HORMAD2: variants seen among roughly 807,000 people sequenced by gnomAD.
HORMAD2 encodes the protein HORMA domain containing 2, also known as HORMA domain-containing protein 2.
A neutral mutation model predicts 38.8 loss-of-function variants in HORMAD2; 45 were observed. The observed-to-expected ratio is 1.16, with a 90% CI of 0.91 to 1.49. The LOEUF is 1.49. Ranked by LOEUF, HORMAD2 falls within the 40% of genes most tolerant of loss-of-function variation. HORMAD2 has a pLI of 0.00. For synonymous variants in HORMAD2, 126 were observed against 122.8 expected (o/e 1.03, Z -0.17); for missense variants, 338 against 367.0 (o/e 0.92, Z 0.65).
intron 7 of HORMAD2, among the ~76,000 whole-genome samples, chr22:30,117,362 T>C (rs1639006637): frequency 6.6e-6 from 1 of 152,198 alleles, no homozygotes; most frequent in African/African-American, 2.4e-5. Context: ...CTTCTCCAGC[T>C]CTGTGGACAT....
At chr22:30,146,064 G>A (rs1332103674) in intron 10 of HORMAD2, among the ~76,000 whole-genome samples, 2 of 152,194 alleles carry the variant, frequency 1.3e-5, no homozygotes, top group African/African-American at 4.8e-5. Flanking sequence ...GGAATGCATG[G>A]TTGGTTTAAA....
the HORMAD2 span, among the ~76,000 whole-genome samples, chr22:30,192,944 A>G: frequency 1.3e-5 from 2 of 152,226 alleles, no homozygotes; most frequent in Non-Finnish European, 2.9e-5. Flanking sequence ...TGCCAATGAC[A>G]TAAGGAAACA....
Position 30,098,926 on chromosome 22 carries a change from C to T in HORMAD2, c.126C>T (p.Ser42=), listed in dbSNP as rs781266678. The T allele has an allele frequency of 3.1e-6, 5 of 1,613,104 alleles. No homozygotes were observed. The African/African-American group carries it at 5.3e-5, about 17-fold the overall frequency. Reference sequence around the variant, plus strand: ...TGGTGAAGAAACTTTTTGCTACTTCCATCTCATGTATAACATACCTAAGGG... The same window carrying T: ...TGGTGAAGAAACTTTTTGCTACTTCTATCTCATGTATAACATACCTAAGGG... The part of the protein sequence containing the change: ...LKMVKKLFAT[S]ISCITYLRGL... Residue 42 remains serine, a synonymous_variant, in exon 3 of 11, where the codon TCC becomes TCT. Transcript: ENST00000336726.
chr22:30,203,745 G>A, the HORMAD2 span, among the ~76,000 whole-genome samples: 1 of 152,084 alleles, frequency 6.6e-6, no homozygotes, highest in African/African-American at 2.4e-5. Flanking sequence ...ACATTCTCAC[G>A]CAAAACACAC....
intron 10 of HORMAD2, among the ~76,000 whole-genome samples, chr22:30,139,527 A>G (rs898960034): frequency 6.6e-6 from 1 of 151,844 alleles, no homozygotes; most frequent in African/African-American, 2.4e-5. Context: ...TATATACAAA[A>G]GCATGCCATC....
chr22:30,177,739 A>G (rs960339549), downstream of HORMAD2, among the ~76,000 whole-genome samples: 1 of 135,370 alleles, frequency 7.4e-6, no homozygotes, highest in Non-Finnish European at 1.6e-5. Context: ...TTTTTTTTCA[A>G]CATAATCTCA....
At chr22:30,164,134 T>G (rs1033605546) in intron 10 of HORMAD2, among the ~76,000 whole-genome samples, 1 of 152,234 alleles carries the variant, frequency 6.6e-6, no homozygotes, top group African/African-American at 2.4e-5. Context: ...AGAATATCTT[T>G]CCTTTTAAAG....
chr22:30,080,671 G>A (rs1359591517), intron 1 of HORMAD2, among the ~76,000 whole-genome samples, 180 bp downstream of exon 1: 3 of 152,198 alleles, frequency 2.0e-5, no homozygotes, highest in African/African-American at 7.2e-5. Context: ...CGGGAGGGCA[G>A]GGGGCTGAGG....
the HORMAD2 span, among the ~76,000 whole-genome samples, chr22:30,182,280 C>G: frequency 0.017 from 2,517 of 152,248 alleles, 65 homozygotes; most frequent in African/African-American, 0.058. Flanking sequence ...ACAGGAAAAG[C>G]ACTTAGAAGA....
At chr22:30,118,910 T>C (rs1052919258) in intron 7 of HORMAD2, 70 bp from the exon 8 acceptor site, 1 of 1,027,864 alleles carries the variant, frequency 9.7e-7, no homozygotes, top group African/African-American at 1.6e-5. Flanking sequence ...GTTCCTTACT[T>C]ATGATCAGGT....
the HORMAD2 span, among the ~76,000 whole-genome samples, chr22:30,195,390 C>T: frequency 2.6e-5 from 4 of 152,228 alleles, no homozygotes; most frequent in East Asian, 1.9e-4. Context: ...ATATCTGAAC[C>T]GCTATGTCAG....
At chr22:30,094,251 A>G (rs1247739496) in intron 2 of HORMAD2, among the ~76,000 whole-genome samples, 1 of 152,212 alleles carries the variant, frequency 6.6e-6, no homozygotes, top group African/African-American at 2.4e-5. Context: ...TAGGTCTTCT[A>G]GAGTAAAAGA....
At chr22:30,188,399 GAA>G in the HORMAD2 span, among the ~76,000 whole-genome samples, 2 of 148,974 alleles carry the variant, frequency 1.3e-5, no homozygotes, top group Non-Finnish European at 3.0e-5. Flanking sequence ...CATCTCTGGA[GAA>G]AAAAAAAAAT....
intron 10 of HORMAD2, among the ~76,000 whole-genome samples, chr22:30,173,393 A>G (rs1926240247): frequency 6.6e-6 from 1 of 152,210 alleles, no homozygotes; most frequent in African/African-American, 2.4e-5. Flanking sequence ...TAAAGAAGTA[A>G]TGGGAATAGA....
chr22:30,176,065 T>G lies in HORMAD2; in HGVS notation c.822T>G (p.Ile274Met). 1.2e-6 allele frequency: 2 copies of G among 1,608,176 alleles called. No individual in the cohort carries two copies. Among genetic ancestry groups the G allele is most frequent in the Non-Finnish European group, 8.5e-7 (1 of 1,174,858 alleles). ...CDEEEECNDH[I>M]QRMNFVCSQQ... The stretch of plus-strand genomic sequence containing the variant: ...CCTCTCTCTGGTGATTCTCACAGAT[T>G]CAAAGAATGAATTTTGTGTGCAGTC... The change falls in exon 11 of 11, where the codon ATT becomes ATG. Residue 274 changes from isoleucine (I) to methionine (M), a missense_variant and splice_region_variant. Physicochemically the swap from Ile to Met is conservative, Grantham distance 10. Transcript: ENST00000336726.
the HORMAD2 span, among the ~76,000 whole-genome samples, chr22:30,205,684 C>A: frequency 6.6e-6 from 1 of 152,124 alleles, no homozygotes; most frequent in African/African-American, 2.4e-5. Flanking sequence ...TTGAGAAACG[C>A]TTTGGCATCA....
chr22:30,180,845 CTCTTCCCT>C (rs1169404538), downstream of HORMAD2, among the ~76,000 whole-genome samples: 1 of 141,990 alleles, frequency 7.0e-6, no homozygotes, highest in African/African-American at 2.7e-5. Flanking sequence ...TTCTTCCCTT[CTCTTCCCT>C]TCTTCCCTTC....
At chr22:30,078,213 T>C (rs905684310), upstream of HORMAD2, among the ~76,000 whole-genome samples, 1 of 152,234 alleles carries the variant, frequency 6.6e-6, no homozygotes, top group Non-Finnish European at 1.5e-5. Flanking sequence ...GTGCCAGCAC[T>C]GGGCATCCTG....
the HORMAD2 span, among the ~76,000 whole-genome samples, chr22:30,198,013 T>G: frequency 1.3e-5 from 1 of 75,898 alleles, no homozygotes; most frequent in Non-Finnish European, 2.5e-5. Context: ...CTGTCTCTAC[T>G]AAAAATATAT....
Sources: allele counts gnomAD v4.1 joint callset (sites outside exome capture counted in the v4.1 genomes callset), GRCh38; gene constraint gnomAD v4.1.1; transcripts MANE v1.5; gene names NCBI Gene and HGNC (gene_info 2026-07-23, HGNC 2026-07-21).